The following MYOM1 variants were observed in gnomAD, a reference collection of about 807,000 sequenced individuals.
MYOM1 encodes myomesin-1.
MYOM1 carries 164 observed loss-of-function variants against 205.3 expected under a neutral mutation model. The ratio of observed to expected loss-of-function variants is 0.80; its 90% CI spans 0.70 to 0.91. The LOEUF is 0.91. Among genes scored for constraint, MYOM1 ranks in the 40% least tolerant of loss-of-function variants. The pLI, the probability that MYOM1 is intolerant of heterozygous loss-of-function variation, is 0.00. For synonymous variants in MYOM1, 772 were observed against 789.4 expected (o/e 0.98, Z 0.37); for missense variants, 2,011 against 2,127.3 (o/e 0.95, Z 1.08).
At chr18:3,074,943 G>A (rs574440371) in intron 36 of MYOM1, among the ~76,000 whole-genome samples, 2 of 151,984 alleles carry the variant, frequency 1.3e-5, no homozygotes, top group African/African-American at 2.4e-5. Flanking sequence ...ACAGGCACCC[G>A]CCACTACACC....
intron 12 of MYOM1, among the ~76,000 whole-genome samples, chr18:3,149,979 G>A (rs951654170): frequency 2.6e-5 from 4 of 152,342 alleles, no homozygotes; most frequent in Admixed American, 2.6e-4. Context: ...AGGAGGGCAG[G>A]AAGTTGGAGG....
At chr18:3,238,602 A>G in the MYOM1 span, among the ~76,000 whole-genome samples, 1 of 152,168 alleles carries the variant, frequency 6.6e-6, no homozygotes, top group Non-Finnish European at 1.5e-5. Flanking sequence ...TGTTTGTGAT[A>G]CGGTACATTA....
At chr18:3,181,366 T>G (rs1278424686) in intron 5 of MYOM1, among the ~76,000 whole-genome samples, 1 of 152,216 alleles carries the variant, frequency 6.6e-6, no homozygotes, top group East Asian at 1.9e-4. Flanking sequence ...CCCATTGGGA[T>G]AGATTTTGGA....
At position 3,135,455 on chromosome 18, in the gene MYOM1, T is replaced by C. The variant is rs1015193188; in HGVS notation, c.2209+92A>G. On this transcript the variant is annotated intron_variant, in intron 15 of 37. Transcript: ENST00000356443. The surrounding 1 kb of genome is among the most constrained non-coding windows in gnomAD (Gnocchi z 4.1). Reference sequence around the variant, plus strand: ...GTAAATTTATAATATGAAAGAAGGATGTCACCATTTTTACTCCTGGCCAAA... The same window carrying C: ...GTAAATTTATAATATGAAAGAAGGACGTCACCATTTTTACTCCTGGCCAAA... 1.5e-5 allele frequency: 16 copies of C among 1,090,116 alleles called. No individual in the cohort carries two copies. The highest frequency in any genetic ancestry group is 1.9e-5 in the Non-Finnish European group (15 of 774,752). 67.5% of individuals were successfully genotyped at this position (1,090,116 alleles called of 1,614,324 possible). A position where few individuals can be genotyped will look rare whatever the true frequency, so the allele number is the denominator to read the frequency against.
chr18:3,070,372 G>A (rs2078945812), intron 37 of MYOM1, among the ~76,000 whole-genome samples: 1 of 152,062 alleles, frequency 6.6e-6, no homozygotes, highest in African/African-American at 2.4e-5. Flanking sequence ...AGGCTAGTTT[G>A]AACTCCTGGG....
At chr18:3,134,626 G>A (rs765188885) in intron 16 of MYOM1, 24 bp downstream of exon 16, 18 of 1,592,340 alleles carry the variant, frequency 1.1e-5, no homozygotes, top group East Asian at 4.5e-5. Flanking sequence ...GCCATTGCCC[G>A]CCCTGCACAC....
At chr18:3,123,039 C>T (rs1218956405) in intron 19 of MYOM1, among the ~76,000 whole-genome samples, 2 of 152,146 alleles carry the variant, frequency 1.3e-5, no homozygotes, top group East Asian at 1.9e-4. Context: ...GTTGCCCAGG[C>T]TGGTCTTGAA....
chr18:3,148,997 C>A, intron 13 of MYOM1, 148 bp downstream of exon 13: 1 of 675,076 alleles, frequency 1.5e-6, no homozygotes, highest in South Asian at 1.7e-5. Flanking sequence ...AAATGGGATT[C>A]TCTGACATAA....
chr18:3,155,315 G>A (rs927712924), intron 10 of MYOM1, among the ~76,000 whole-genome samples: 5 of 152,122 alleles, frequency 3.3e-5, no homozygotes, highest in East Asian at 3.9e-4. Flanking sequence ...TCCACCTCCC[G>A]GGTTCACGCC....
chr18:3,094,064 C>T lies in MYOM1; in HGVS notation c.3864+106G>A, dbSNP rs940572066. The T allele has an allele frequency of 2.6e-6, 3 of 1,171,144 alleles. No individual in the cohort carries two copies. In the African/African-American group the frequency reaches 4.6e-5, roughly 18 times the overall value. 72.5% of individuals were successfully genotyped at this position (1,171,144 alleles called of 1,614,324 possible). Reference sequence around the variant, plus strand: ...TGTGAGAAGGATTTAAACTCTCCCACTCCACCACCCAGCGGTTTTTATAAC... The same window carrying T: ...TGTGAGAAGGATTTAAACTCTCCCATTCCACCACCCAGCGGTTTTTATAAC... On this transcript the variant is annotated intron_variant, in intron 26 of 37. Transcript: ENST00000356443.
At chr18:3,210,663 C>T (rs1352809807) in intron 2 of MYOM1, among the ~76,000 whole-genome samples, 2 of 152,158 alleles carry the variant, frequency 1.3e-5, no homozygotes, top group African/African-American at 4.8e-5. Context: ...AATAGCTTCT[C>T]TAGAAGAAGG....
Position 3,188,892 on chromosome 18 carries a change from CGTGGACTGCTTGGATGCT to C in MYOM1, c.609_626del (p.Lys206_Ser211del), listed in dbSNP as rs1211124611. The C allele has an allele frequency of 9.3e-6, 15 of 1,608,596 alleles. No homozygotes were observed. Among genetic ancestry groups the C allele is most frequent in the African/African-American group, 2.7e-5 (2 of 74,406 alleles). ...TGGATGCCGTGGACTGCCTGGATGC[CGTGGACTGCTTGGATGCT>C]GTGGACTGCTTGGATGCCGTGGACT... On this transcript the variant is annotated inframe_deletion, in exon 4 of 38. Coordinates refer to ENST00000356443, the MANE Select transcript of MYOM1 (RefSeq NM_003803.4).
the MYOM1 span, among the ~76,000 whole-genome samples, chr18:3,238,503 T>A: frequency 6.6e-6 from 1 of 152,098 alleles, no homozygotes; most frequent in East Asian, 1.9e-4. Flanking sequence ...CGAGAACCAG[T>A]GAGTACAGGT....
At chr18:3,126,525 C>T (rs75567413) in intron 19 of MYOM1, among the ~76,000 whole-genome samples, 176 bp downstream of exon 19, 293 of 152,202 alleles carry the variant, frequency 1.9e-3, no homozygotes, top group African/African-American at 6.0e-3. Context: ...GCCTGGTTAG[C>T]CAAACTACTT....
intron 5 of MYOM1, among the ~76,000 whole-genome samples, chr18:3,184,887 T>C (rs578133765): frequency 2.0e-5 from 3 of 152,340 alleles, no homozygotes; most frequent in South Asian, 4.1e-4. Flanking sequence ...GTCTTCCCTT[T>C]TGTTTGAAAT....
intron 19 of MYOM1, among the ~76,000 whole-genome samples, chr18:3,122,082 G>A (rs1180362403): frequency 2.0e-5 from 3 of 152,004 alleles, no homozygotes; most frequent in African/African-American, 7.3e-5. Flanking sequence ...TCATGCCACT[G>A]TACTCCAGCC....
In MYOM1 at chr18:3,116,253, G is replaced by A. The variant is rs923885288; in HGVS notation, c.3303+78C>T. The A allele has an allele frequency of 4.2e-6, 6 of 1,440,460 alleles. No homozygotes were observed. In the African/African-American group the frequency reaches 7.1e-5, roughly 17 times the overall value. The allele number at this position is 1,440,460 out of a possible 1,614,324, so 89.2% of individuals were successfully genotyped here. ...AAACAGATCAAAGCGGAGATATTCT[G>A]TTTTATCTTGCTAACTTTAAAGTTC... On this transcript the variant is annotated intron_variant, in intron 21 of 37. Transcript: ENST00000356443.
intron 2 of MYOM1, among the ~76,000 whole-genome samples, chr18:3,212,875 A>G (rs910577982): frequency 6.6e-6 from 1 of 152,244 alleles, no homozygotes; most frequent in Non-Finnish European, 1.5e-5. Context: ...AAAGAAATGA[A>G]TTCACCTCAG....
intron 29 of MYOM1, among the ~76,000 whole-genome samples, chr18:3,086,399 C>T (rs1349389422): frequency 6.7e-6 from 1 of 149,450 alleles, no homozygotes; most frequent in African/African-American, 2.5e-5. Context: ...ACTCTAAAAT[C>T]ATGTGGTAGG....
Sources: gnomAD v4.1 joint callset for allele counts (sites outside exome capture counted in the v4.1 genomes callset) on GRCh38, gnomAD v4.1.1 for gene constraint, Gnocchi (gnomAD v3.1) non-coding constraint, MANE v1.5 for transcripts, NCBI Gene and HGNC (gene_info 2026-07-23, HGNC 2026-07-21) for gene names.